The following MSRA variants were observed in gnomAD, a reference collection of about 807,000 sequenced individuals.
MSRA encodes methionine sulfoxide reductase A.
A neutral mutation model predicts 31.3 loss-of-function variants in MSRA; 54 were observed. That is an observed-to-expected ratio of 1.73 (90% confidence interval 1.39 to 2.17). The LOEUF (loss-of-function observed/expected upper bound fraction) is 2.17. Ranked by LOEUF, MSRA falls within the 30% of genes most tolerant of loss-of-function variation. The pLI is 0.00. For missense variants in MSRA, 507 were observed against 300.9 expected (o/e 1.69, Z -5.07); for synonymous variants, 169 against 116.5 (o/e 1.45, Z -2.90).
chr8:10,090,126 C>G (rs1798783223), intron 1 of MSRA, among the ~76,000 whole-genome samples: 2 of 152,140 alleles, frequency 1.3e-5, no homozygotes, highest in Non-Finnish European at 2.9e-5. Flanking sequence ...CAAAATGAGT[C>G]CTGGGAAGCA....
At chr8:10,177,077 C>T (rs891752640) in intron 1 of MSRA, among the ~76,000 whole-genome samples, 2 of 152,122 alleles carry the variant, frequency 1.3e-5, no homozygotes, top group Non-Finnish European at 2.9e-5. Flanking sequence ...CAGTTTATTA[C>T]GTGCTGTTTG....
Position 10,201,099 on chromosome 8 carries a change from C to T in MSRA, c.143-6734C>T, listed in dbSNP as rs140402769. Among the ~76,000 whole-genome samples, 189 of 152,228 alleles carry T rather than the reference C, an allele frequency of 1.2e-3. 1 individual carries two copies. The highest frequency in any genetic ancestry group is 4.2e-3 in the African/African-American group (175 of 41,536). On this transcript the variant is annotated intron_variant, in intron 1 of 5. Coordinates refer to ENST00000317173, the MANE Select transcript of MSRA (RefSeq NM_012331.5). ...ACAAAGAAACAGATAAGAAGAGGGA[C>T]TGTGAGACCATATTTTGTTGGGGTG...
At chr8:10,165,289 C>G (rs1167959999) in intron 1 of MSRA, among the ~76,000 whole-genome samples, 2 of 152,176 alleles carry the variant, frequency 1.3e-5, no homozygotes, top group African/African-American at 4.8e-5. Context: ...AACAACCACT[C>G]TGCTCTCCAA....
intron 5 of MSRA, among the ~76,000 whole-genome samples, chr8:10,328,350 C>T (rs898337999): frequency 2.0e-5 from 3 of 150,680 alleles, no homozygotes; most frequent in East Asian, 2.0e-4. Context: ...GCCTTTCCCT[C>T]GCCTTTTCCC....
intron 1 of MSRA, among the ~76,000 whole-genome samples, chr8:10,159,252 G>A (rs75551615): frequency 1.6e-3 from 241 of 152,378 alleles, no homozygotes; most frequent in Non-Finnish European, 2.7e-3. Flanking sequence ...GCACCTGCGT[G>A]AGGCCATCCA....
intron 5 of MSRA, among the ~76,000 whole-genome samples, chr8:10,394,254 T>C (rs1012130789): frequency 2.0e-5 from 3 of 152,224 alleles, no homozygotes; most frequent in Non-Finnish European, 2.9e-5. Context: ...TCTGTACTTT[T>C]GGCAGCCAGA....
chr8:10,058,864 G>T (rs117467293), intron 1 of MSRA: 1 of 152,074 alleles, frequency 6.6e-6, no homozygotes, highest in East Asian at 1.9e-4. Flanking sequence ...TGATCTAGTC[G>T]TTGATTTATA....
At chr8:10,070,308 G>A (rs1797666219) in intron 1 of MSRA, among the ~76,000 whole-genome samples, 1 of 152,210 alleles carries the variant, frequency 6.6e-6, no homozygotes, top group Non-Finnish European at 1.5e-5. Context: ...TGCATCTGGA[G>A]TCACCTAGTC....
intron 3 of MSRA, among the ~76,000 whole-genome samples, chr8:10,295,028 G>C (rs1467474369): frequency 6.6e-6 from 1 of 152,168 alleles, no homozygotes; most frequent in African/African-American, 2.4e-5. Flanking sequence ...CTTGGCGATA[G>C]ATGAGTTTAT....
intron 1 of MSRA, among the ~76,000 whole-genome samples, chr8:10,114,379 C>T (rs932383938): frequency 6.6e-6 from 1 of 152,164 alleles, no homozygotes; most frequent in Non-Finnish European, 1.5e-5. Flanking sequence ...GGCCATTTGG[C>T]AACCTATGTT....
intron 5 of MSRA, among the ~76,000 whole-genome samples, chr8:10,388,133 C>A (rs954159849): frequency 6.6e-6 from 1 of 152,092 alleles, no homozygotes; most frequent in Non-Finnish European, 1.5e-5. Flanking sequence ...GGGAGAAACT[C>A]AGGGATAAGT....
chr8:10,254,809 A>G (rs948065912), intron 3 of MSRA, among the ~76,000 whole-genome samples: 3 of 152,236 alleles, frequency 2.0e-5, no homozygotes, highest in Non-Finnish European at 4.4e-5. Context: ...GGATAATTTA[A>G]AAATATTAAG....
intron 5 of MSRA, among the ~76,000 whole-genome samples, chr8:10,390,885 A>G (rs1217179084): frequency 6.6e-6 from 1 of 151,904 alleles, no homozygotes; most frequent in African/African-American, 2.4e-5. Flanking sequence ...CTGAGGCAGG[A>G]GAATGACGTG....
At chr8:10,318,238 G>A (rs1364348791) in intron 4 of MSRA, among the ~76,000 whole-genome samples, 1 of 152,208 alleles carries the variant, frequency 6.6e-6, no homozygotes, top group African/African-American at 2.4e-5. Flanking sequence ...GTGGGTCACT[G>A]AATGTCTCTG....
intron 5 of MSRA, among the ~76,000 whole-genome samples, chr8:10,396,539 A>G (rs929719212): frequency 6.6e-6 from 1 of 152,214 alleles, no homozygotes; most frequent in African/African-American, 2.4e-5. Flanking sequence ...TGTCCTGGCT[A>G]TTAAACCCCT....
chr8:10,409,222 C>T (rs888472877), intron 5 of MSRA, among the ~76,000 whole-genome samples: 10 of 152,188 alleles, frequency 6.6e-5, no homozygotes, highest in African/African-American at 2.4e-4. Flanking sequence ...GCACCCTTGC[C>T]AACATCTGTT....
At chr8:10,058,341 G>C (rs913658308) in intron 1 of MSRA, among the ~76,000 whole-genome samples, 4 of 152,128 alleles carry the variant, frequency 2.6e-5, no homozygotes, top group African/African-American at 9.7e-5. Flanking sequence ...AATAAGTCCT[G>C]AGAAGAGGAG....
At chr8:10,413,366 C>G (rs901059070) in intron 5 of MSRA, among the ~76,000 whole-genome samples, 6 of 152,182 alleles carry the variant, frequency 3.9e-5, no homozygotes, top group African/African-American at 1.4e-4. Context: ...AGAAGACAGA[C>G]TTTACAGAAT....
intron 5 of MSRA, among the ~76,000 whole-genome samples, chr8:10,322,824 A>G (rs10105033): frequency 0.42 from 64,051 of 151,996 alleles, 13,625 homozygotes; most frequent in Non-Finnish European, 0.43. Context: ...GGGCACAGTG[A>G]CTCACGCCTC....
Sources: gnomAD v4.1 joint callset for allele counts (sites outside exome capture counted in the v4.1 genomes callset) on GRCh38, gnomAD v4.1.1 for gene constraint, MANE v1.5 for transcripts, NCBI Gene and HGNC (gene_info 2026-07-23, HGNC 2026-07-21) for gene names.